The following LRP6 variants were observed in gnomAD, a reference collection of about 807,000 sequenced individuals.
LRP6 encodes LDL receptor related protein 6.
Under a neutral mutation model 184.1 loss-of-function variants are expected in LRP6, and 43 were observed. The ratio of observed to expected loss-of-function variants is 0.23; its 90% CI spans 0.18 to 0.30. The LOEUF is 0.30. Ranked by LOEUF, LRP6 falls within the 10% of genes least tolerant of loss-of-function variation. LRP6 has a pLI of 1.00. For synonymous variants in LRP6, 719 were observed against 684.9 expected, an observed-to-expected ratio of 1.05 and a Z score of -0.78; for missense variants, 1,571 against 2,005.3, an observed-to-expected ratio of 0.78 and a Z score of 4.14.
Position 12,251,595 on chromosome 12 carries a change from C to T in LRP6, c.56-6940G>A, listed in dbSNP as rs141141041. Among the ~76,000 whole-genome samples the T allele has an allele frequency of 2.8e-3, 424 of 152,064 alleles. 1 individual carries two copies. Among genetic ancestry groups the T allele is most frequent in the Non-Finnish European group, 4.9e-3 (331 of 67,980 alleles). ...ATGTTAGCCAGGATGGTCTCGATCT[C>T]CTGACCTTGTGATCCACCCACCTCG... On this transcript the variant is annotated intron_variant, in intron 1 of 22. Transcript: ENST00000261349.
intron 19 of LRP6, 40 bp from the exon 20 acceptor site, chr12:12,126,961 C>G: frequency 6.7e-7 from 1 of 1,486,608 alleles, no homozygotes; most frequent in Non-Finnish European, 9.4e-7. Flanking sequence ...AATAGAAAAA[C>G]AACTGTATAT....
At chr12:12,238,279 C>A (rs1449676067) in intron 2 of LRP6, among the ~76,000 whole-genome samples, 2 of 143,540 alleles carry the variant, frequency 1.4e-5, no homozygotes, top group African/African-American at 5.1e-5. Context: ...GATAAAAGAG[C>A]AAAATTAAGA....
chr12:12,167,312 C>A (rs1862906581), intron 7 of LRP6, among the ~76,000 whole-genome samples: 1 of 152,048 alleles, frequency 6.6e-6, no homozygotes, highest in Non-Finnish European at 1.5e-5. Context: ...TAAGCTTTAT[C>A]ACTCAGTGGG....
At chr12:12,147,880 TGGGA>T (rs1401999525) in intron 14 of LRP6, among the ~76,000 whole-genome samples, 1 of 151,738 alleles carries the variant, frequency 6.6e-6, no homozygotes, top group East Asian at 1.9e-4. Context: ...AAGGCTGAGG[TGGGA>T]GGATCACTTG....
Position 12,132,071 on chromosome 12 carries a change from A to G in LRP6, c.3734-14T>C. 1 of 1,569,028 alleles carries G rather than the reference A, an allele frequency of 6.4e-7. No homozygotes were observed. The highest frequency in any genetic ancestry group is 8.8e-7 in the Non-Finnish European group (1 of 1,138,924). On this transcript the variant is annotated splice_polypyrimidine_tract_variant and intron_variant, in intron 17 of 22. Transcript: ENST00000261349. ...ATGTTGGAGGTTCTTCAAATGAACA[A>G]GGAGAAGGGGAGTGACAAAAACACA...
chr12:12,174,544 T>A (rs1863123270), intron 7 of LRP6, among the ~76,000 whole-genome samples: 1 of 152,240 alleles, frequency 6.6e-6, no homozygotes, highest in South Asian at 2.1e-4. Flanking sequence ...TATAATTTCT[T>A]AATGAGGAAT....
At chr12:12,243,636 G>A (rs182331894) in intron 2 of LRP6, among the ~76,000 whole-genome samples, 265 of 152,252 alleles carry the variant, frequency 1.7e-3, no homozygotes, top group Non-Finnish European at 2.7e-3. Flanking sequence ...AACACACTGG[G>A]CACAGTGGCT....
chr12:12,260,709 G>T (rs961292106), intron 1 of LRP6, among the ~76,000 whole-genome samples: 1 of 152,138 alleles, frequency 6.6e-6, no homozygotes, highest in Non-Finnish European at 1.5e-5. Flanking sequence ...CAGAAGTCTT[G>T]CAAGTTATAT....
intron 3 of LRP6, among the ~76,000 whole-genome samples, chr12:12,195,806 C>A (rs1014480143): frequency 1.3e-5 from 2 of 152,014 alleles, no homozygotes; most frequent in Non-Finnish European, 2.9e-5. Flanking sequence ...TTTCCTCTAG[C>A]AGTTTTATAG....
At chr12:12,215,083 CTTG>C (rs1357517974) in intron 2 of LRP6, among the ~76,000 whole-genome samples, 14 of 152,236 alleles carry the variant, frequency 9.2e-5, no homozygotes, top group Admixed American at 2.6e-4. Flanking sequence ...CATGGCAATA[CTTG>C]TTGTCTCAGT....
chr12:12,162,525 C>A, intron 9 of LRP6, 106 bp from the exon 10 acceptor site: 1 of 868,338 alleles, frequency 1.2e-6, no homozygotes, highest in Non-Finnish European at 2.0e-6. Context: ...CCAGAAGTGC[C>A]AAGAGGCATA....
intron 2 of LRP6, among the ~76,000 whole-genome samples, chr12:12,228,937 C>T (rs1299126915): frequency 1.3e-5 from 2 of 152,172 alleles, no homozygotes; most frequent in African/African-American, 2.4e-5. Flanking sequence ...AGCACTGAAG[C>T]TAACCCAAGA....
At position 12,151,244 on chromosome 12, in the gene LRP6, T is replaced by C. The variant is rs1950076745; in HGVS notation, c.2792-206A>G. ...AGCTCTCTGGTTACCAAATCAGTTA[T>C]GAATTTACCTAATGACATAGCCACC... On this transcript the variant is annotated intron_variant, in intron 12 of 22. Coordinates refer to ENST00000261349, the MANE Select transcript of LRP6 (RefSeq NM_002336.3). Among the ~76,000 whole-genome samples the C allele has an allele frequency of 2.6e-5, 4 of 152,192 alleles. No homozygotes were observed. In the South Asian group the frequency reaches 8.3e-4, roughly 31 times the overall value.
At chr12:12,246,585 T>C (rs1388489814) in intron 1 of LRP6, among the ~76,000 whole-genome samples, 1 of 151,356 alleles carries the variant, frequency 6.6e-6, no homozygotes. Flanking sequence ...TAGTCCTAGG[T>C]ACTCAGGAGA....
chr12:12,185,022 C>T (rs77595426), intron 4 of LRP6, among the ~76,000 whole-genome samples: 6,266 of 152,218 alleles, frequency 0.041, 178 homozygotes, highest in Middle Eastern at 0.16. Context: ...AGGCCAGGCA[C>T]GGTGGCTCGT....
intron 1 of LRP6, among the ~76,000 whole-genome samples, chr12:12,261,751 A>G (rs569888700): frequency 4.6e-5 from 7 of 152,278 alleles, no homozygotes; most frequent in African/African-American, 1.4e-4. Context: ...TAGAACCATA[A>G]CTTAATTCTC....
intron 16 of LRP6, among the ~76,000 whole-genome samples, chr12:12,137,952 C>G (rs1300033686): frequency 6.6e-6 from 1 of 151,398 alleles, no homozygotes; most frequent in East Asian, 1.9e-4. Context: ...CACTTCAAGT[C>G]AGAAGTTCGA....
At chr12:12,143,675 TG>T (rs1371543411) in intron 15 of LRP6, among the ~76,000 whole-genome samples, 9 of 152,088 alleles carry the variant, frequency 5.9e-5, no homozygotes, top group Admixed American at 5.9e-4. Context: ...AACAGTAATG[TG>T]GAAAAAAATG....
intron 7 of LRP6, among the ~76,000 whole-genome samples, chr12:12,167,410 G>A (rs1347131621): frequency 1.3e-5 from 2 of 152,184 alleles, no homozygotes; most frequent in Non-Finnish European, 2.9e-5. Context: ...TTGGGAGGCC[G>A]AGACGGGTGG....
Sources: allele counts gnomAD v4.1 joint callset (sites outside exome capture counted in the v4.1 genomes callset), GRCh38; gene constraint gnomAD v4.1.1; transcripts MANE v1.5; gene names NCBI Gene and HGNC (gene_info 2026-07-23, HGNC 2026-07-21).